The following SYN2 variants were observed in gnomAD, a reference collection of about 807,000 sequenced individuals.
The protein encoded by SYN2 is synapsin-2.
SYN2 carries 19 observed loss-of-function variants against 50.9 expected under a neutral mutation model. The ratio of observed to expected loss-of-function variants is 0.37; its 90% confidence interval spans 0.26 to 0.55. The LOEUF is 0.55. Ranked by LOEUF, SYN2 falls within the 20% of genes least tolerant of loss-of-function variation. The probability of loss-of-function intolerance (pLI) is 0.81; values close to 1 mark genes in which losing one functional copy is unlikely to be tolerated. For synonymous variants in SYN2, 255 were observed against 224.9 expected (o/e 1.13, Z -1.20); for missense variants, 587 against 576.4 (o/e 1.02, Z -0.19).
intron 1 of SYN2, among the ~76,000 whole-genome samples, chr3:12,083,894 A>AT (rs1230227468): frequency 6.6e-6 from 1 of 152,232 alleles, no homozygotes; most frequent in Non-Finnish European, 1.5e-5. Context: ...CAAGTAAGAA[A>AT]TGACCAAAGT....
chr3:12,006,533 T>C (rs1456711627), intron 1 of SYN2, among the ~76,000 whole-genome samples: 2 of 152,202 alleles, frequency 1.3e-5, no homozygotes, highest in Non-Finnish European at 2.9e-5. Context: ...CTCATTGCAT[T>C]TTCTTCACAA....
intron 1 of SYN2, among the ~76,000 whole-genome samples, chr3:12,097,939 G>A (rs916587713): frequency 3.9e-5 from 6 of 152,050 alleles, no homozygotes; most frequent in African/African-American, 1.2e-4. Context: ...TACCAGCATG[G>A]CACATGTATA....
At chr3:12,158,673 GCTGTGGACCT>G in intron 5 of SYN2, 1 of 1,608,248 alleles carries the variant, frequency 6.2e-7, no homozygotes, top group Non-Finnish European at 8.5e-7. Context: ...ACCACCCCCT[GCTGTGGACCT>G]CGCGGACCTC....
intron 5 of SYN2, chr3:12,158,762 C>G (rs1559446065): frequency 1.2e-6 from 2 of 1,606,946 alleles, no homozygotes; most frequent in East Asian, 2.2e-5. Context: ...CATGCCTCAC[C>G]CAGCCCCGGG....
Position 12,014,331 on chromosome 3 carries a change from A to G in SYN2, c.377+9403A>G, listed in dbSNP as rs148254681. 3.3e-5 allele frequency among the ~76,000 whole-genome samples: 5 copies of G among 152,386 alleles called. No individual in the cohort carries two copies. In the East Asian group the frequency reaches 7.7e-4, roughly 23 times the overall value. ...AAGGTAACAATGAAGAGAGGGAAGT[A>G]TCCTAGGATTAGAAGTATATGTTAA... On this transcript the variant is annotated intron_variant, in intron 1 of 12. Transcript: ENST00000621198.
At chr3:12,016,637 A>G (rs908753346) in intron 1 of SYN2, among the ~76,000 whole-genome samples, 1 of 152,174 alleles carries the variant, frequency 6.6e-6, no homozygotes, top group African/African-American at 2.4e-5. Context: ...CGGGCAGATC[A>G]CTTAAGGTCA....
intron 1 of SYN2, among the ~76,000 whole-genome samples, chr3:12,059,717 T>C (rs1390218424): frequency 6.6e-6 from 1 of 152,152 alleles, no homozygotes; most frequent in African/African-American, 2.4e-5. Flanking sequence ...GTAAAGTTGC[T>C]TATTTACTTC....
intron 1 of SYN2, among the ~76,000 whole-genome samples, chr3:12,114,680 T>G (rs1457452078): frequency 6.6e-6 from 1 of 152,164 alleles, no homozygotes; most frequent in Non-Finnish European, 1.5e-5. Flanking sequence ...AACTTCACCA[T>G]ATGTTTGAAA....
intron 1 of SYN2, among the ~76,000 whole-genome samples, chr3:12,111,948 G>A (rs556936960): frequency 8.5e-5 from 13 of 152,196 alleles, no homozygotes; most frequent in Admixed American, 2.0e-4. Flanking sequence ...CTGGGTCATG[G>A]CATCATTGTT....
intron 1 of SYN2, among the ~76,000 whole-genome samples, chr3:12,040,683 T>A (rs1026136245): frequency 1.3e-5 from 2 of 152,152 alleles, no homozygotes; most frequent in African/African-American, 4.8e-5. Flanking sequence ...TTCTTTTTAT[T>A]ACTAGGCTTT....
intron 1 of SYN2, among the ~76,000 whole-genome samples, chr3:12,067,524 G>A (rs1324178177): frequency 1.3e-5 from 2 of 151,854 alleles, no homozygotes; most frequent in African/African-American, 2.4e-5. Context: ...AATTGGCCGG[G>A]TGTGGTGGCT....
At chr3:12,125,036 A>T (rs971448055) in intron 1 of SYN2, among the ~76,000 whole-genome samples, 17 of 151,886 alleles carry the variant, frequency 1.1e-4, no homozygotes, top group African/African-American at 3.6e-4. Flanking sequence ...TTTTTTTGAG[A>T]TGGAGTCTCA....
At chr3:12,169,991 A>T in intron 10 of SYN2, 85 bp downstream of exon 10, 3 of 1,470,210 alleles carry the variant, frequency 2.0e-6, no homozygotes, top group Non-Finnish European at 1.8e-6. Flanking sequence ...AGAATGGAGT[A>T]CAGGCCAGAT....
At chr3:12,164,525 G>GATT in intron 7 of SYN2, among the ~76,000 whole-genome samples, 1 of 152,238 alleles carries the variant, frequency 6.6e-6, no homozygotes, top group Middle Eastern at 3.4e-3. Context: ...CAGTAGCCAA[G>GATT]ATTAGGCTTG....
chr3:12,006,877 G>A (rs1368017393), intron 1 of SYN2, among the ~76,000 whole-genome samples: 1 of 152,186 alleles, frequency 6.6e-6, no homozygotes, highest in Non-Finnish European at 1.5e-5. Flanking sequence ...CACAAAAGAT[G>A]AATCTTGAAG....
At chr3:12,138,300 A>T (rs1056111893) in intron 1 of SYN2, among the ~76,000 whole-genome samples, 1 of 152,212 alleles carries the variant, frequency 6.6e-6, no homozygotes, top group African/African-American at 2.4e-5. Flanking sequence ...TTCCAACAGG[A>T]CAAATTACCT....
chr3:12,172,549 C>T (rs1697960367), intron 10 of SYN2, among the ~76,000 whole-genome samples: 1 of 152,202 alleles, frequency 6.6e-6, no homozygotes, highest in South Asian at 2.1e-4. Context: ...TTAGTTAGGA[C>T]TCATGACTCA....
chr3:12,167,590 G>C (rs1190943464), intron 8 of SYN2, among the ~76,000 whole-genome samples: 1 of 151,002 alleles, frequency 6.6e-6, no homozygotes, highest in East Asian at 1.9e-4. Context: ...AGAACCATGA[G>C]CCAAAATAAA....
At chr3:12,156,441 A>C (rs1697459926) in intron 5 of SYN2, among the ~76,000 whole-genome samples, 1 of 152,200 alleles carries the variant, frequency 6.6e-6, no homozygotes, top group Non-Finnish European at 1.5e-5. Flanking sequence ...GCTCCTGTTA[A>C]GTCCTGTGCA....
Sources: gnomAD v4.1 joint callset for allele counts (sites outside exome capture counted in the v4.1 genomes callset) on GRCh38, gnomAD v4.1.1 for gene constraint, MANE v1.5 for transcripts, NCBI Gene and HGNC (gene_info 2026-07-23, HGNC 2026-07-21) for gene names.